Variants in UBE3A observed in about 807,000 individuals in gnomAD.
The protein encoded by UBE3A is ubiquitin-protein ligase E3A.
A neutral mutation model predicts 83.4 loss-of-function variants in UBE3A; 6 were observed. That is an observed-to-expected ratio of 0.07 (90% CI 0.04 to 0.14). The LOEUF (loss-of-function observed/expected upper bound fraction) is 0.14, where lower values mean the gene tolerates loss of function less well. UBE3A is among the 10% of genes least tolerant of loss of function. UBE3A has a pLI of 1.00. For missense variants in UBE3A, 456 were observed against 1,036.1 expected (o/e 0.44, Z 7.69); for synonymous variants, 337 against 355.4 (o/e 0.95, Z 0.58).
chr15:25,388,155 A>G (rs2083531319), intron 4 of UBE3A, among the ~76,000 whole-genome samples: 1 of 152,174 alleles, frequency 6.6e-6, no homozygotes, highest in African/African-American at 2.4e-5. Flanking sequence ...CAAAGACATT[A>G]TCAGAAAAGA....
chr15:25,403,676 A>G (rs1419631900), intron 4 of UBE3A, among the ~76,000 whole-genome samples: 5 of 152,246 alleles, frequency 3.3e-5, no homozygotes, highest in Non-Finnish European at 7.3e-5. Context: ...CATTATCTGT[A>G]ATAGCTACAA....
chr15:25,416,640 T>C (rs149786356), intron 1 of UBE3A, among the ~76,000 whole-genome samples: 1,533 of 129,590 alleles, frequency 0.012, 24 homozygotes, highest in Middle Eastern at 0.042. Flanking sequence ...CTTAAAACAT[T>C]CTAAAAAAAA....
intron 6 of UBE3A, among the ~76,000 whole-genome samples, chr15:25,361,293 A>G (rs1157202725): frequency 6.6e-6 from 1 of 151,826 alleles, no homozygotes; most frequent in Admixed American, 6.6e-5. Flanking sequence ...GCCTGGCTAA[A>G]TTTTTTATTT....
intron 1 of UBE3A, among the ~76,000 whole-genome samples, chr15:25,431,661 T>C (rs1241090979): frequency 1.3e-5 from 2 of 152,010 alleles, no homozygotes; most frequent in Non-Finnish European, 1.5e-5. Flanking sequence ...ATATTTTCAA[T>C]CACCAACACA....
chr15:25,428,335 A>G (rs1189465929), intron 1 of UBE3A, among the ~76,000 whole-genome samples: 6 of 152,214 alleles, frequency 3.9e-5, no homozygotes, highest in Non-Finnish European at 8.8e-5. Context: ...CAAATAACAA[A>G]GAGTAACAAA....
At chr15:25,436,967 T>C (rs1304938997) in intron 1 of UBE3A, among the ~76,000 whole-genome samples, 2 of 152,230 alleles carry the variant, frequency 1.3e-5, no homozygotes, top group Admixed American at 1.3e-4. Context: ...ATAGTTTACA[T>C]TCTAATTTTG....
chr15:25,354,294 G>A, intron 11 of UBE3A, 59 bp downstream of exon 11: 8 of 1,533,082 alleles, frequency 5.2e-6, no homozygotes, highest in Non-Finnish European at 7.2e-6. Context: ...AAGGTCTGAA[G>A]CAAAATCACA....
chr15:25,377,527 G>A (rs2081411727), intron 4 of UBE3A, among the ~76,000 whole-genome samples: 2 of 152,268 alleles, frequency 1.3e-5, no homozygotes, highest in South Asian at 4.1e-4. Flanking sequence ...TGGAAATGCA[G>A]AATCTAGAAA....
chr15:25,339,592 T>C (rs2074386650), intron 12 of UBE3A: 1 of 274,220 alleles, frequency 3.6e-6, no homozygotes, highest in Non-Finnish European at 7.0e-6. Context: ...ACTTTAGAGG[T>C]TAGGTCACTG....
At chr15:25,342,946 AG>A (rs1428149813) in intron 11 of UBE3A, among the ~76,000 whole-genome samples, 1 of 152,164 alleles carries the variant, frequency 6.6e-6, no homozygotes, top group South Asian at 2.1e-4. Flanking sequence ...CATGAAAGGA[AG>A]GGGGGTACCT....
At chr15:25,384,275 T>C (rs1031953568) in intron 4 of UBE3A, among the ~76,000 whole-genome samples, 1 of 151,908 alleles carries the variant, frequency 6.6e-6, no homozygotes, top group African/African-American at 2.4e-5. Context: ...CTGGCCAACA[T>C]GGTGAAACCC....
intron 4 of UBE3A, among the ~76,000 whole-genome samples, chr15:25,404,000 A>G (rs1430671086): frequency 6.6e-6 from 1 of 152,108 alleles, no homozygotes; most frequent in Non-Finnish European, 1.5e-5. Flanking sequence ...TCTGCAAAAC[A>G]GAGAGTTCTG....
In UBE3A at chr15:25,415,170, C is replaced by T. The variant is rs1446850900; in HGVS notation, c.-164-3199G>A. On this transcript the variant is annotated intron_variant, in intron 1 of 12. Transcript: ENST00000648336. ...CCTCAAACTTACCAACACTGTCCTA[C>T]TACAGTGCCCCATTATTTCATCTGG... Among the ~76,000 whole-genome samples the T allele has an allele frequency of 3.3e-5, 5 of 152,196 alleles. 1 individual carries two copies. In the South Asian group the frequency reaches 6.2e-4, roughly 19 times the overall value.
intron 4 of UBE3A, among the ~76,000 whole-genome samples, chr15:25,389,653 C>T (rs2083882463): frequency 6.6e-6 from 1 of 152,080 alleles, no homozygotes; most frequent in South Asian, 2.1e-4. Flanking sequence ...TTTGGGAGGC[C>T]AAGGTGGGTG....
In UBE3A at chr15:25,371,442, G is replaced by C. The variant is rs1060504406; in HGVS notation, c.732C>G (p.Leu244=). The change falls in exon 6 of 13, where the codon CTC becomes CTG. Residue 244 remains leucine, a synonymous_variant. Transcript: ENST00000648336. The surrounding 1 kb of genome is among the most constrained non-coding windows in gnomAD (Gnocchi z 5.3). ...AGGCAGTTTCAATTTTTTCATTAGAGAGCAATCTGGTGTAGACCCTTCTAA... is the reference window on the plus strand; with the variant it reads ...AGGCAGTTTCAATTTTTTCATTAGACAGCAATCTGGTGTAGACCCTTCTAA... ...DAIRRVYTRL[L]SNEKIETAFL... is the part of the protein sequence containing the mutation. 6.2e-7 allele frequency: 1 copy of C among 1,614,046 alleles called. No individual in the cohort carries two copies. Among genetic ancestry groups the C allele is most frequent in the Non-Finnish European group, 8.5e-7 (1 of 1,180,002 alleles).
intron 11 of UBE3A, among the ~76,000 whole-genome samples, chr15:25,351,101 A>C (rs1477238849): frequency 6.6e-6 from 1 of 152,230 alleles, no homozygotes; most frequent in Non-Finnish European, 1.5e-5. Flanking sequence ...CATTGATAAC[A>C]TTCAGAGAGC....
intron 4 of UBE3A, chr15:25,393,870 A>T (rs1036829435): frequency 6.6e-6 from 1 of 152,180 alleles, no homozygotes; most frequent in Non-Finnish European, 1.5e-5. Context: ...TGTCAGAAGA[A>T]AGCAAAGGGC....
At chr15:25,381,165 T>G (rs1013614832) in intron 4 of UBE3A, among the ~76,000 whole-genome samples, 1 of 152,226 alleles carries the variant, frequency 6.6e-6, no homozygotes, top group Non-Finnish European at 1.5e-5. Flanking sequence ...AGAATCTAGG[T>G]GGCAGGCATA....
chr15:25,424,226 G>A (rs375194586), intron 1 of UBE3A, among the ~76,000 whole-genome samples: 14 of 151,958 alleles, frequency 9.2e-5, no homozygotes, highest in East Asian at 3.9e-4. Context: ...GCCACACCTC[G>A]AGTTCTTCAA....
Sources: gnomAD v4.1 joint callset for allele counts (sites outside exome capture counted in the v4.1 genomes callset) on GRCh38, gnomAD v4.1.1 for gene constraint, Gnocchi (gnomAD v3.1) non-coding constraint, MANE v1.5 for transcripts, NCBI Gene and HGNC (gene_info 2026-07-23, HGNC 2026-07-21) for gene names.